RUFY3: variants seen among roughly 807,000 people sequenced by gnomAD.
RUFY3 encodes RUN and FYVE domain containing 3, also known as protein RUFY3.
In RUFY3, 34 loss-of-function variants were observed where a neutral mutation model predicts 84.0. The ratio of observed to expected loss-of-function variants is 0.40; its 90% CI spans 0.31 to 0.54. The LOEUF is 0.54. RUFY3 is among the 20% of genes least tolerant of loss of function. RUFY3 has a pLI of 0.39. For synonymous variants in RUFY3, 242 were observed against 252.9 expected (o/e 0.96, Z 0.41); for missense variants, 507 against 736.8 (o/e 0.69, Z 3.61).
chr4:70,786,765 C>A (rs1729887552), intron 10 of RUFY3, among the ~76,000 whole-genome samples: 1 of 151,926 alleles, frequency 6.6e-6, no homozygotes. Context: ...ATATTAATAA[C>A]CCCTGGTATT....
chr4:70,778,671 C>T (rs1728387309), intron 8 of RUFY3, among the ~76,000 whole-genome samples: 1 of 150,956 alleles, frequency 6.6e-6, no homozygotes, highest in South Asian at 2.1e-4. Context: ...CCTCCGTCTC[C>T]CAAGTTCAAG....
At position 70,803,092 on chromosome 4, in the gene RUFY3, T is replaced by C. The variant is rs1732442855; in HGVS notation, c.1650+109T>C. The C allele has an allele frequency of 6.6e-6, 5 of 753,472 alleles. No individual in the cohort carries two copies. The Admixed American group carries it at 1.2e-4, about 19-fold the overall frequency. The allele number at this position is 753,472 out of a possible 1,614,324, so 46.7% of individuals were successfully genotyped here. ...GGGCGGAAGATGAGTGAATACAGTG[T>C]GCCATCCTTCTAACAATACCCTGAA... On this transcript the variant is annotated intron_variant, in intron 16 of 17. Transcript: ENST00000381006.
chr4:70,705,030 C>A (rs1740098208), exon 1 of RUFY3: 1 of 1,223,120 alleles, frequency 8.2e-7, no homozygotes, highest in East Asian at 3.3e-5. Flanking sequence ...GGAGCCGCGC[C>A]GCGCTCCCGC....
chr4:70,754,492 A>G (rs1234539992), intron 1 of RUFY3, among the ~76,000 whole-genome samples: 1 of 152,108 alleles, frequency 6.6e-6, no homozygotes, highest in African/African-American at 2.4e-5. Flanking sequence ...GGATATAGAT[A>G]TATAGATATT....
At chr4:70,725,243 TTAAA>T (rs1214054537) in intron 1 of RUFY3, among the ~76,000 whole-genome samples, 1 of 152,170 alleles carries the variant, frequency 6.6e-6, no homozygotes, top group Non-Finnish European at 1.5e-5. Context: ...ACTTTAACCC[TTAAA>T]TAAATGAAAA....
chr4:70,708,536 G>A (rs1320561016), intron 1 of RUFY3, among the ~76,000 whole-genome samples: 1 of 152,086 alleles, frequency 6.6e-6, no homozygotes, highest in African/African-American at 2.4e-5. Context: ...TGAATATTAC[G>A]ATGACTGGCA....
At chr4:70,784,958 C>A in intron 10 of RUFY3, 79 bp downstream of exon 10, 2 of 949,640 alleles carry the variant, frequency 2.1e-6, no homozygotes, top group Non-Finnish European at 3.0e-6. Context: ...TCATACAGAC[C>A]AAGATTAGGA....
At chr4:70,737,941 G>C (rs1055813962) in intron 1 of RUFY3, among the ~76,000 whole-genome samples, 3 of 150,308 alleles carry the variant, frequency 2.0e-5, no homozygotes, top group Admixed American at 2.0e-4. Flanking sequence ...CCAAAGTGCT[G>C]GGATTACAGA....
intron 1 of RUFY3, among the ~76,000 whole-genome samples, chr4:70,726,871 T>G (rs1407473526): frequency 6.6e-6 from 1 of 152,194 alleles, no homozygotes; most frequent in Non-Finnish European, 1.5e-5. Flanking sequence ...GTGGCTTACT[T>G]TCTTACTTTG....
intron 1 of RUFY3, among the ~76,000 whole-genome samples, chr4:70,738,356 C>CTTTT (rs60916183): frequency 4.1e-4 from 25 of 60,500 alleles, no homozygotes; most frequent in Non-Finnish European, 4.7e-4. Flanking sequence ...GGTGTTTCAT[C>CTTTT]TTTTTTTTTT....
chr4:70,739,990 CAAAAAAAAA>C (rs551882326), intron 1 of RUFY3, among the ~76,000 whole-genome samples: 1 of 47,692 alleles, frequency 2.1e-5, no homozygotes, highest in Non-Finnish European at 4.7e-5. Flanking sequence ...AACTCCGTCT[CAAAAAAAAA>C]AAAAAAAAAA....
intron 1 of RUFY3, among the ~76,000 whole-genome samples, chr4:70,752,676 A>T (rs1723323094): frequency 6.6e-6 from 1 of 152,110 alleles, no homozygotes; most frequent in South Asian, 2.1e-4. Context: ...TGACCATGTG[A>T]TGTCTTTCTT....
At position 70,722,333 on chromosome 4, in the gene RUFY3, C is replaced by G; in HGVS notation, c.-241C>G. 1 of 1,233,210 alleles carries G rather than the reference C, an allele frequency of 8.1e-7. No homozygotes were observed. Among genetic ancestry groups the G allele is most frequent in the Non-Finnish European group, 1.0e-6 (1 of 989,256 alleles). The allele number at this position is 1,233,210 out of a possible 1,614,324, so 76.4% of individuals were successfully genotyped here. ...AGAAGACAAGCATCATCTTATTTTG[C>G]TATGTGGTAGGAACTGTCTATAAGA... On this transcript the variant is annotated 5_prime_UTR_variant, in exon 1 of 18. Coordinates refer to ENST00000381006, the MANE Select transcript of RUFY3 (RefSeq NM_001037442.4).
chr4:70,767,390 G>A (rs1420551344), intron 4 of RUFY3, among the ~76,000 whole-genome samples: 2 of 149,724 alleles, frequency 1.3e-5, no homozygotes, highest in Non-Finnish European at 1.5e-5. Context: ...GATTGCAGGC[G>A]TGAGCCACTG....
intron 7 of RUFY3, among the ~76,000 whole-genome samples, chr4:70,777,522 T>C (rs1300320254): frequency 2.6e-5 from 4 of 152,234 alleles, no homozygotes; most frequent in Non-Finnish European, 5.9e-5. Context: ...TGGTTCCACC[T>C]AGCAAATTCA....
At chr4:70,707,417 A>T (rs1417801398) in intron 1 of RUFY3, among the ~76,000 whole-genome samples, 1 of 152,020 alleles carries the variant, frequency 6.6e-6, no homozygotes, top group Non-Finnish European at 1.5e-5. Context: ...TACCATTTTT[A>T]GTATTTTTAG....
At chr4:70,799,144 CAAAAAAAAA>C (rs547398917) in intron 14 of RUFY3, among the ~76,000 whole-genome samples, 1 of 64,172 alleles carries the variant, frequency 1.6e-5, no homozygotes, top group Admixed American at 1.8e-4. Context: ...GACTCCGTCT[CAAAAAAAAA>C]AAAAAAAAGA....
intron 1 of RUFY3, among the ~76,000 whole-genome samples, chr4:70,737,297 G>A (rs1049582164): frequency 6.6e-6 from 1 of 151,732 alleles, no homozygotes; most frequent in African/African-American, 2.4e-5. Flanking sequence ...ACTGTTAATT[G>A]TGCAATGAGA....
intron 12 of RUFY3, chr4:70,791,501 A>T: frequency 7.2e-7 from 1 of 1,381,600 alleles, no homozygotes; most frequent in South Asian, 1.9e-5. Context: ...GGTTAGAAAA[A>T]TTGGTATAAG....
Sources: gnomAD v4.1 joint callset for allele counts (sites outside exome capture counted in the v4.1 genomes callset) on GRCh38, gnomAD v4.1.1 for gene constraint, MANE v1.5 for transcripts, NCBI Gene and HGNC (gene_info 2026-07-23, HGNC 2026-07-21) for gene names.